Variants in OVCH1 observed in about 807,000 individuals in gnomAD.
OVCH1 encodes the protein ovochymase-1.
OVCH1 carries 139 observed loss-of-function variants against 138.4 expected under a neutral mutation model. That is an observed-to-expected ratio of 1.00 (90% CI 0.87 to 1.16). OVCH1 has a LOEUF of 1.16. Among genes scored for constraint, OVCH1 ranks in the 50% most tolerant of loss-of-function variants. The pLI is 0.00. For missense variants in OVCH1, 1,367 were observed against 1,357.9 expected (o/e 1.01, Z -0.11); for synonymous variants, 453 against 467.8 (o/e 0.97, Z 0.41).
chr12:29,496,170 C>T lies in OVCH1; in HGVS notation c.281+11G>A, dbSNP rs1211750594. The T allele has an allele frequency of 6.3e-7, 1 of 1,592,538 alleles. No homozygotes were observed. Among genetic ancestry groups the T allele is most frequent in the South Asian group, 1.1e-5 (1 of 87,608 alleles). On this transcript the variant is annotated intron_variant, in intron 3 of 27. Coordinates refer to ENST00000318184, the Ensembl canonical transcript of OVCH1. ...TCAAGGCCTGACAAGTAATGGAAAT[C>T]CACAACTTACTCACTGAGGCTGTCC...
chr12:29,451,454 G>T, exon 22 of OVCH1: 3 of 1,613,246 alleles, frequency 1.9e-6, no homozygotes, highest in East Asian at 2.2e-5. Context: ...TTGCCATACT[G>T]CTTGCTGAAA....
chr12:29,491,759 T>A (rs1174194221), intron 4 of OVCH1, among the ~76,000 whole-genome samples: 1 of 152,102 alleles, frequency 6.6e-6, no homozygotes, highest in Non-Finnish European at 1.5e-5. Context: ...TAGACATTGC[T>A]GAAAATGTAG....
At chr12:29,448,441 G>C (rs1279525032) in intron 22 of OVCH1, among the ~76,000 whole-genome samples, 1 of 151,972 alleles carries the variant, frequency 6.6e-6, no homozygotes, top group Non-Finnish European at 1.5e-5. Flanking sequence ...CATTAAGAAG[G>C]TGACATTCCA....
chr12:29,443,251 G>T, intron 25 of OVCH1, 110 bp downstream of exon 25: 2 of 1,044,424 alleles, frequency 1.9e-6, no homozygotes, highest in Non-Finnish European at 1.3e-6. Context: ...CATCCTATAA[G>T]AAGAGACTAG....
chr12:29,403,685 A>G, the OVCH1 span, among the ~76,000 whole-genome samples: 38 of 152,334 alleles, frequency 2.5e-4, no homozygotes, highest in Admixed American at 1.6e-3. Context: ...GTTAAGGTCA[A>G]TTGACGTGCC....
chr12:29,405,182 C>T, the OVCH1 span, among the ~76,000 whole-genome samples: 43 of 152,098 alleles, frequency 2.8e-4, no homozygotes, highest in East Asian at 2.9e-3. Context: ...TTACTAATTA[C>T]GGTTCATTTG....
intron 27 of OVCH1, among the ~76,000 whole-genome samples, chr12:29,429,488 C>T (rs1208346181): frequency 6.6e-6 from 1 of 152,170 alleles, no homozygotes; most frequent in African/African-American, 2.4e-5. Flanking sequence ...CATGTATATT[C>T]ATTATATAAA....
intron 22 of OVCH1, among the ~76,000 whole-genome samples, chr12:29,450,229 A>G (rs890673426): frequency 3.9e-5 from 6 of 152,228 alleles, no homozygotes; most frequent in African/African-American, 9.6e-5. Flanking sequence ...TGAACAGGCA[A>G]CCTACAGAAT....
At chr12:29,485,138 A>G (rs1242196544) in intron 8 of OVCH1, among the ~76,000 whole-genome samples, 1 of 152,000 alleles carries the variant, frequency 6.6e-6, no homozygotes, top group Non-Finnish European at 1.5e-5. Context: ...TGAGAAGCTG[A>G]GGCGGTTGCA....
intron 8 of OVCH1, among the ~76,000 whole-genome samples, chr12:29,481,562 G>C (rs1035600381): frequency 1.3e-5 from 2 of 152,114 alleles, no homozygotes; most frequent in African/African-American, 4.8e-5. Context: ...CTTTCCTACA[G>C]ATTACCTTCT....
chr12:29,465,553 A>G (rs1254003703), intron 16 of OVCH1, among the ~76,000 whole-genome samples: 1 of 152,014 alleles, frequency 6.6e-6, no homozygotes, highest in African/African-American at 2.4e-5. Context: ...AAACCACCCT[A>G]CCATCATCTG....
At chr12:29,436,676 C>G (rs150773596) in intron 26 of OVCH1, among the ~76,000 whole-genome samples, 39 of 152,002 alleles carry the variant, frequency 2.6e-4, no homozygotes, top group African/African-American at 9.0e-4. Context: ...CATGGTCTTG[C>G]TGACTTCAGG....
intron 18 of OVCH1, 34 bp from the exon 19 acceptor site, chr12:29,462,042 T>A (rs1486799127): frequency 4.4e-6 from 7 of 1,597,366 alleles, no homozygotes; most frequent in Non-Finnish European, 6.0e-6. Flanking sequence ...AGCTCGATGA[T>A]GAAGTAAGCA....
At position 29,451,435 on chromosome 12, in the gene OVCH1, TG is replaced by T. The variant is rs764212576; in HGVS notation, c.2664del (p.Ile889LeufsTer17). On this transcript the variant is annotated frameshift_variant, in exon 22 of 28. Coordinates refer to ENST00000318184, the Ensembl canonical transcript of OVCH1. LOFTEE classifies it high-confidence loss of function. Reference sequence around the variant, plus strand: ...GACCCCAGGAGTGACAGATACTCAATGGTAAATTTTGCCATACTGCTTGCTG... The same window carrying T: ...GACCCCAGGAGTGACAGATACTCAATGTAAATTTTGCCATACTGCTTGCTG... The T allele has an allele frequency of 5.6e-6, 9 of 1,613,250 alleles. No individual in the cohort carries two copies. In the African/African-American group the frequency reaches 6.7e-5, roughly 12 times the overall value.
intron 8 of OVCH1, among the ~76,000 whole-genome samples, chr12:29,479,745 T>C (rs1464864468): frequency 6.6e-6 from 1 of 152,180 alleles, no homozygotes; most frequent in African/African-American, 2.4e-5. Context: ...TAGTCAAGTA[T>C]TTTATGCCCA....
At chr12:29,425,080 C>CT (rs1222053972), downstream of OVCH1, among the ~76,000 whole-genome samples, 1 of 152,144 alleles carries the variant, frequency 6.6e-6, no homozygotes, top group Non-Finnish European at 1.5e-5. Flanking sequence ...CAATGAAGCA[C>CT]TTAATAAAGT....
At chr12:29,403,017 TA>T in the OVCH1 span, among the ~76,000 whole-genome samples, 1 of 152,206 alleles carries the variant, frequency 6.6e-6, no homozygotes, top group Non-Finnish European at 1.5e-5. Context: ...CCTCCAGCCT[TA>T]AATACAGACA....
At chr12:29,410,280 CTT>C (rs1940938098), downstream of OVCH1, among the ~76,000 whole-genome samples, 1 of 148,722 alleles carries the variant, frequency 6.7e-6, no homozygotes, top group Non-Finnish European at 1.5e-5. Context: ...CAGTCTTTGT[CTT>C]TTAATTGGAG....
At position 29,451,160 on chromosome 12, in the gene OVCH1, T is replaced by TATA. The variant is rs754903189; in HGVS notation, c.2755+182_2755+184dup. On this transcript the variant is annotated intron_variant, in intron 22 of 27. Coordinates refer to ENST00000318184, the Ensembl canonical transcript of OVCH1. ...TGCACATGTAACCCAGAACTTAAAG[T>TATA]ATAATCATAATAATAATAATAATAA... Among the ~76,000 whole-genome samples, 595 of 149,956 alleles carry TATA rather than the reference T, an allele frequency of 4.0e-3. 6 individuals carry two copies. The highest frequency in any genetic ancestry group is 0.032 in the East Asian group (160 of 5,056).
Sources: gnomAD v4.1 joint callset for allele counts (sites outside exome capture counted in the v4.1 genomes callset) on GRCh38, gnomAD v4.1.1 for gene constraint, MANE v1.5 for transcripts, NCBI Gene and HGNC (gene_info 2026-07-23, HGNC 2026-07-21) for gene names.